Variants in TMEM132C observed in about 807,000 individuals in gnomAD.
TMEM132C encodes protein phosphatase 1, regulatory subunit 152.
A neutral mutation model predicts 61.4 loss-of-function variants in TMEM132C; 29 were observed. The observed-to-expected ratio is 0.47, with a 90% CI of 0.35 to 0.64. The LOEUF (loss-of-function observed/expected upper bound fraction) is 0.64, where lower values mean the gene tolerates loss of function less well. TMEM132C is among the 30% of genes least tolerant of loss of function. The pLI is 0.00. For missense variants in TMEM132C, 1,408 were observed against 1,476.9 expected, an observed-to-expected ratio of 0.95 and a Z score of 0.76; for synonymous variants, 656 against 633.1, an observed-to-expected ratio of 1.04 and a Z score of -0.54.
intron 2 of TMEM132C, among the ~76,000 whole-genome samples, chr12:128,467,315 A>C (rs1266052695): frequency 6.6e-6 from 1 of 152,220 alleles, no homozygotes; most frequent in Non-Finnish European, 1.5e-5. Flanking sequence ...CTTCTTCTCC[A>C]TCCCAGCATG....
At chr12:128,538,599 A>G (rs902783171) in intron 2 of TMEM132C, among the ~76,000 whole-genome samples, 3 of 152,194 alleles carry the variant, frequency 2.0e-5, no homozygotes, top group African/African-American at 7.2e-5. Flanking sequence ...TAAAAATACA[A>G]AGTTATTTTA....
At chr12:128,346,608 A>T (rs1318643712) in intron 1 of TMEM132C, among the ~76,000 whole-genome samples, 4 of 152,040 alleles carry the variant, frequency 2.6e-5, no homozygotes, top group African/African-American at 9.7e-5. Context: ...TCTTATAGAG[A>T]TCCTTCATAT....
intron 1 of TMEM132C, among the ~76,000 whole-genome samples, chr12:128,332,851 G>T (rs796947248): frequency 3.3e-5 from 5 of 152,310 alleles, no homozygotes; most frequent in African/African-American, 1.2e-4. Context: ...AGTGGCTCTT[G>T]CCAAGTGCCC....
At chr12:128,279,910 T>A (rs1185674693) in intron 1 of TMEM132C, among the ~76,000 whole-genome samples, 1 of 152,228 alleles carries the variant, frequency 6.6e-6, no homozygotes, top group African/African-American at 2.4e-5. Context: ...TGTTTCATGG[T>A]TGTATTTATC....
intron 2 of TMEM132C, among the ~76,000 whole-genome samples, chr12:128,421,282 G>T (rs574642044): frequency 2.0e-5 from 3 of 152,308 alleles, no homozygotes; most frequent in African/African-American, 7.2e-5. Flanking sequence ...AGAACATGTG[G>T]TGTATATATC....
rs541021644 is a variant in TMEM132C at position 128,273,839 on chromosome 12, A to G, written c.85+6352A>G. 5.3e-5 allele frequency among the ~76,000 whole-genome samples: 8 copies of G among 152,258 alleles called. No homozygotes were observed. In the South Asian group the frequency reaches 1.5e-3, roughly 28 times the overall value. On this transcript the variant is annotated intron_variant, in intron 1 of 8. Transcript: ENST00000435159. Reference sequence around the variant, plus strand: ...ATTCCTTACACTGTTTTCCTCTACTATGTTTTCAAGTACATGCACTCACGT... The same window carrying G: ...ATTCCTTACACTGTTTTCCTCTACTGTGTTTTCAAGTACATGCACTCACGT...
chr12:128,366,328 T>C (rs1437587740), intron 1 of TMEM132C, among the ~76,000 whole-genome samples: 2 of 152,202 alleles, frequency 1.3e-5, no homozygotes, highest in South Asian at 2.1e-4. Context: ...GTTAGTGCCA[T>C]TTCCCCCCAG....
chr12:128,579,460 C>G (rs958027152), intron 3 of TMEM132C, among the ~76,000 whole-genome samples: 1 of 152,204 alleles, frequency 6.6e-6, no homozygotes, highest in Admixed American at 6.5e-5. Flanking sequence ...ACCCACCCCT[C>G]CTCCCAACAA....
intron 4 of TMEM132C, among the ~76,000 whole-genome samples, chr12:128,642,557 TGTTAAAGA>T (rs1175000409): frequency 2.0e-5 from 3 of 152,204 alleles, no homozygotes; most frequent in African/African-American, 7.2e-5. Flanking sequence ...AAGACCTGGT[TGTTAAAGA>T]GTCTGAGACG....
intron 2 of TMEM132C, among the ~76,000 whole-genome samples, chr12:128,527,521 A>T (rs540067573): frequency 6.6e-6 from 1 of 152,186 alleles, no homozygotes; most frequent in Non-Finnish European, 1.5e-5. Flanking sequence ...AGTTACCTGT[A>T]AGAAGTTAGA....
At chr12:128,686,017 GTGCA>G (rs1954670488) in intron 5 of TMEM132C, among the ~76,000 whole-genome samples, 1 of 150,164 alleles carries the variant, frequency 6.7e-6, no homozygotes, top group South Asian at 2.1e-4. Context: ...CTTCCTGTGT[GTGCA>G]TGCATGTGTG....
intron 2 of TMEM132C, among the ~76,000 whole-genome samples, chr12:128,468,817 T>A (rs1013539466): frequency 5.9e-5 from 9 of 152,160 alleles, no homozygotes; most frequent in Non-Finnish European, 1.0e-4. Flanking sequence ...GAAAACACTA[T>A]CACATCAAAT....
intron 8 of TMEM132C, among the ~76,000 whole-genome samples, chr12:128,701,480 G>A (rs996250371): frequency 4.6e-5 from 7 of 152,182 alleles, no homozygotes; most frequent in Non-Finnish European, 1.0e-4. Context: ...TGGATCTTCA[G>A]CTACAGCTAC....
chr12:128,573,264 A>C (rs1402829575), intron 3 of TMEM132C, among the ~76,000 whole-genome samples: 7 of 152,190 alleles, frequency 4.6e-5, no homozygotes, highest in Admixed American at 2.6e-4. Flanking sequence ...ATGGAATACT[A>C]TGCAGCCATA....
At chr12:128,359,531 T>C (rs532613085) in intron 1 of TMEM132C, among the ~76,000 whole-genome samples, 1 of 152,062 alleles carries the variant, frequency 6.6e-6, no homozygotes, top group Non-Finnish European at 1.5e-5. Flanking sequence ...TTTTGAGGAG[T>C]TTCTAAGACT....
chr12:128,517,324 A>G (rs936386043), intron 2 of TMEM132C, among the ~76,000 whole-genome samples: 4 of 152,024 alleles, frequency 2.6e-5, no homozygotes, highest in African/African-American at 9.7e-5. Context: ...AATCCCAGCT[A>G]CTCGGGAGGC....
intron 2 of TMEM132C, among the ~76,000 whole-genome samples, chr12:128,512,298 A>T (rs1191054593): frequency 6.6e-6 from 1 of 152,086 alleles, no homozygotes; most frequent in Admixed American, 6.5e-5. Flanking sequence ...ATCTTTCTTT[A>T]TACAAATATA....
At chr12:128,686,896 A>G (rs958426384) in intron 5 of TMEM132C, among the ~76,000 whole-genome samples, 7 of 152,090 alleles carry the variant, frequency 4.6e-5, no homozygotes, top group Admixed American at 1.3e-4. Context: ...GGGAGTTGCC[A>G]TTTAAAATGG....
At chr12:128,377,058 A>ATT (rs199866756) in intron 1 of TMEM132C, among the ~76,000 whole-genome samples, 2,740 of 144,932 alleles carry the variant, frequency 0.019, 21 homozygotes, top group Middle Eastern at 0.042. Flanking sequence ...TGCTTTCTTG[A>ATT]TTTTTTTTTT....
Sources: allele counts gnomAD v4.1 joint callset (sites outside exome capture counted in the v4.1 genomes callset), GRCh38; gene constraint gnomAD v4.1.1; transcripts MANE v1.5; gene names NCBI Gene and HGNC (gene_info 2026-07-23, HGNC 2026-07-21).